The following EIPR1 variants were observed in gnomAD, a reference collection of about 807,000 sequenced individuals.
EIPR1 encodes the protein EARP complex and GARP complex interacting protein 1.
Under a neutral mutation model 48.1 loss-of-function variants are expected in EIPR1, and 25 were observed. The ratio of observed to expected loss-of-function variants is 0.52; its 90% CI spans 0.38 to 0.73. EIPR1 has a LOEUF of 0.73. Among genes scored for constraint, EIPR1 ranks in the 30% least tolerant of loss-of-function variants. The probability of loss-of-function intolerance (pLI) is 0.00; values close to 1 mark genes in which losing one functional copy is unlikely to be tolerated. For missense variants in EIPR1, 415 were observed against 506.2 expected, an observed-to-expected ratio of 0.82 and a Z score of 1.73; for synonymous variants, 204 against 201.9, an observed-to-expected ratio of 1.01 and a Z score of -0.09.
chr2:3,206,204 T>C (rs1475754700), intron 5 of EIPR1, among the ~76,000 whole-genome samples: 1 of 152,182 alleles, frequency 6.6e-6, no homozygotes, highest in Non-Finnish European at 1.5e-5. Context: ...TGTGGTGGGA[T>C]ACCTGGCTGC....
chr2:3,214,410 T>A, intron 4 of EIPR1, 162 bp from the exon 5 acceptor site: 1 of 601,504 alleles, frequency 1.7e-6, no homozygotes, highest in Non-Finnish European at 2.9e-6. Flanking sequence ...CTGACAACAC[T>A]GTTGTTGTCT....
chr2:3,241,207 G>C lies in EIPR1; in HGVS notation c.416+16092C>G, dbSNP rs567072572. On this transcript the variant is annotated intron_variant, in intron 4 of 8. Coordinates refer to ENST00000382125, the MANE Select transcript of EIPR1 (RefSeq NM_003310.5). Reference sequence around the variant, plus strand: ...GTCCCTCCTAAAGCAAAGCCAGCTGGTACCTCCTAAAACAAAGCATTTTGA... The same window carrying C: ...GTCCCTCCTAAAGCAAAGCCAGCTGCTACCTCCTAAAACAAAGCATTTTGA... Among the ~76,000 whole-genome samples, 6 of 152,004 alleles carry C rather than the reference G, an allele frequency of 3.9e-5. No homozygotes were observed. In the South Asian group the frequency reaches 6.2e-4, roughly 16 times the overall value.
At chr2:3,255,190 CTT>C (rs11285663) in intron 4 of EIPR1, among the ~76,000 whole-genome samples, 334 of 145,118 alleles carry the variant, frequency 2.3e-3, no homozygotes, top group Middle Eastern at 3.6e-3. Flanking sequence ...TTCTTACTTT[CTT>C]TTTTTTTTTT....
chr2:3,357,989 A>AT (rs1670768807), intron 1 of EIPR1, among the ~76,000 whole-genome samples: 1 of 152,156 alleles, frequency 6.6e-6, no homozygotes, highest in African/African-American at 2.4e-5. Context: ...AAATTATGTT[A>AT]TTTTGAGCCA....
chr2:3,332,937 A>G (rs1328954080), intron 3 of EIPR1, among the ~76,000 whole-genome samples: 1 of 152,224 alleles, frequency 6.6e-6, no homozygotes, highest in East Asian at 1.9e-4. Flanking sequence ...GGAGAGATGG[A>G]TGTATGGGTT....
At chr2:3,322,433 A>C (rs1282916369) in intron 3 of EIPR1, among the ~76,000 whole-genome samples, 1 of 152,266 alleles carries the variant, frequency 6.6e-6, no homozygotes, top group Admixed American at 6.5e-5. Context: ...AGCAGGAAAT[A>C]GAAAAGGGTC....
intron 1 of EIPR1, among the ~76,000 whole-genome samples, chr2:3,369,401 C>T (rs1671053341): frequency 6.6e-6 from 1 of 152,116 alleles, no homozygotes. Context: ...GTGGGTGCAG[C>T]GAACCGTGCG....
intron 4 of EIPR1, among the ~76,000 whole-genome samples, chr2:3,251,047 T>G (rs1666987869): frequency 6.6e-6 from 1 of 152,094 alleles, no homozygotes; most frequent in Non-Finnish European, 1.5e-5. Flanking sequence ...CAGTGTGAGA[T>G]ATACTGAAAA....
In EIPR1 at chr2:3,199,096, G is replaced by A. The variant is rs189172309; in HGVS notation, c.517-2079C>T. On this transcript the variant is annotated intron_variant, in intron 5 of 8. Transcript: ENST00000382125. Reference sequence around the variant, plus strand: ...CGCCCCGGGAATGCATTCTTTTCCCGGGCTGTTAATTATTAATATTCCTTA... The same window carrying A: ...CGCCCCGGGAATGCATTCTTTTCCCAGGCTGTTAATTATTAATATTCCTTA... 9.6e-4 allele frequency among the ~76,000 whole-genome samples: 110 copies of A among 114,902 alleles called. 1 individual carries two copies. The highest frequency in any genetic ancestry group is 3.4e-3 in the African/African-American group (100 of 29,842). The allele number at this position is 114,902 out of a possible 152,430, so 75.4% of individuals were successfully genotyped here. A position where few individuals can be genotyped will look rare whatever the true frequency, so the allele number is the denominator to read the frequency against.
At chr2:3,201,545 G>A (rs1665034589) in intron 5 of EIPR1, among the ~76,000 whole-genome samples, 1 of 152,200 alleles carries the variant, frequency 6.6e-6, no homozygotes, top group Admixed American at 6.5e-5. Flanking sequence ...GGGGGCACAG[G>A]CACTGCAGGG....
At chr2:3,219,409 GA>G (rs1665783914) in intron 4 of EIPR1, among the ~76,000 whole-genome samples, 4 of 137,890 alleles carry the variant, frequency 2.9e-5, no homozygotes, top group African/African-American at 1.1e-4. Context: ...CTTTCACAGT[GA>G]GTGAGTCAGG....
Position 3,274,529 on chromosome 2 carries a change from T to C in EIPR1, c.260-17074A>G, listed in dbSNP as rs562384607. 9.2e-5 allele frequency: 124 copies of C among 1,349,440 alleles called. 1 individual carries two copies. In the East Asian group the frequency reaches 3.2e-3, roughly 35 times the overall value. The allele number at this position is 1,349,440 out of a possible 1,614,324, so 83.6% of individuals were successfully genotyped here. On this transcript the variant is annotated intron_variant, in intron 3 of 8. Coordinates refer to ENST00000382125, the MANE Select transcript of EIPR1 (RefSeq NM_003310.5). Reference sequence around the variant, plus strand: ...CCTACTTGGGGTATAAATAAAATATTTTTAAAACCATGAGAATTTACCTCC... The same window carrying C: ...CCTACTTGGGGTATAAATAAAATATCTTTAAAACCATGAGAATTTACCTCC...
chr2:3,360,322 T>C (rs1331348464), intron 1 of EIPR1, among the ~76,000 whole-genome samples: 1 of 151,364 alleles, frequency 6.6e-6, no homozygotes, highest in Non-Finnish European at 1.5e-5. Context: ...GAGAATTGCT[T>C]GAACCAGGGA....
intron 4 of EIPR1, among the ~76,000 whole-genome samples, chr2:3,218,901 C>T (rs1665753021): frequency 6.7e-6 from 1 of 148,854 alleles, no homozygotes. Flanking sequence ...GTCAGGTGCA[C>T]ACCCAACACG....
intron 3 of EIPR1, among the ~76,000 whole-genome samples, chr2:3,331,228 T>TG (rs1553302199): frequency 0.035 from 2,939 of 83,576 alleles, 538 homozygotes; most frequent in South Asian, 0.11. Context: ...ACTCATGAGA[T>TG]GTGTCAGCAG....
At chr2:3,259,287 TC>T (rs34343370) in intron 3 of EIPR1, among the ~76,000 whole-genome samples, 2 of 151,730 alleles carry the variant, frequency 1.3e-5, no homozygotes, top group Non-Finnish European at 2.9e-5. Context: ...TGGCAGACAC[TC>T]CCCCCCACAT....
intron 3 of EIPR1, among the ~76,000 whole-genome samples, chr2:3,267,967 T>C (rs2694091): frequency 0.68 from 104,152 of 152,202 alleles, 36,012 homozygotes; most frequent in East Asian, 0.81. Flanking sequence ...ACAGACTGTT[T>C]GGCTGCTGTC....
rs546931988 is a variant in EIPR1 at position 3,257,467 on chromosome 2, A to G, written c.260-12T>C. 4.6e-5 allele frequency: 74 copies of G among 1,613,636 alleles called. No individual in the cohort carries two copies. Among genetic ancestry groups the G allele is most frequent in the Non-Finnish European group, 5.8e-5 (69 of 1,179,742 alleles). On this transcript the variant is annotated splice_polypyrimidine_tract_variant and intron_variant, in intron 3 of 8. Coordinates refer to ENST00000382125, the MANE Select transcript of EIPR1 (RefSeq NM_003310.5). ...TTTGCTGTCTGAAGCTGAGCAACAG[A>G]GCATAATGGATAATGTCAACAGAGC...
chr2:3,249,984 G>T (rs563804013), intron 4 of EIPR1, among the ~76,000 whole-genome samples: 1 of 152,362 alleles, frequency 6.6e-6, no homozygotes, highest in African/African-American at 2.4e-5. Context: ...AAGCCTGGGT[G>T]CCCAGGCAGA....
Sources: allele counts gnomAD v4.1 joint callset (sites outside exome capture counted in the v4.1 genomes callset), GRCh38; gene constraint gnomAD v4.1.1; transcripts MANE v1.5; gene names NCBI Gene and HGNC (gene_info 2026-07-23, HGNC 2026-07-21).